SBNO1: variants seen among roughly 807,000 people sequenced by gnomAD.
The protein encoded by SBNO1 is strawberry notch homolog 1, also known as protein strawberry notch homolog 1.
SBNO1 carries 23 observed loss-of-function variants against 173.6 expected under a neutral mutation model. That is an observed-to-expected ratio of 0.13 (90% CI 0.10 to 0.19). The LOEUF (loss-of-function observed/expected upper bound fraction) is 0.19. SBNO1 is among the 10% of genes least tolerant of loss of function. SBNO1 has a pLI of 1.00. For synonymous variants in SBNO1, 632 were observed against 571.5 expected (o/e 1.11, Z -1.51); for missense variants, 1,238 against 1,671.2 (o/e 0.74, Z 4.52).
At chr12:123,317,999 T>C (rs1869491513) in intron 20 of SBNO1, among the ~76,000 whole-genome samples, 1 of 152,210 alleles carries the variant, frequency 6.6e-6, no homozygotes, top group South Asian at 2.1e-4. Flanking sequence ...TCTCACTCTG[T>C]CACACAAGCT....
intron 1 of SBNO1, among the ~76,000 whole-genome samples, chr12:123,354,710 T>G (rs1874237801): frequency 6.6e-6 from 1 of 152,274 alleles, no homozygotes; most frequent in Non-Finnish European, 1.5e-5. Flanking sequence ...CACTTTTAAG[T>G]CACAAAGCAC....
intron 1 of SBNO1, among the ~76,000 whole-genome samples, chr12:123,361,033 C>G (rs1345816635): frequency 1.3e-5 from 2 of 152,016 alleles, no homozygotes; most frequent in Non-Finnish European, 2.9e-5. Context: ...ATCACGAGAT[C>G]AAGAGATTGA....
In SBNO1 at chr12:123,327,477, T is replaced by C. The variant is rs767924954; in HGVS notation, c.1641A>G (p.Glu547=). 1.2e-6 allele frequency: 2 copies of C among 1,614,022 alleles called. No individual in the cohort carries two copies. Among genetic ancestry groups the C allele is most frequent in the Admixed American group, 3.3e-5 (2 of 59,996 alleles). Residue 547 remains glutamate, a synonymous_variant, in exon 13 of 32, where the codon GAA becomes GAG. Coordinates refer to ENST00000602398, the MANE Select transcript of SBNO1 (RefSeq NM_001167856.3). Reference sequence around the variant, plus strand: ...TAACGTAGCTCTGAGAAAGAAGAACTTCCTCAATTTTGAAGGTCACTCCAG... The same window carrying C: ...TAACGTAGCTCTGAGAAAGAAGAACCTCCTCAATTTTGAAGGTCACTCCAG... ...SFTGVTFKIE[E]VLLSQSYVKM...
Position 123,295,619 on chromosome 12 carries a change from CA to C in SBNO1, c.*288del. On this transcript the variant is annotated 3_prime_UTR_variant, in exon 32 of 32. Coordinates refer to ENST00000602398, the MANE Select transcript of SBNO1 (RefSeq NM_001167856.3). ...TGGTCTGTAGCCTTTAACACACTCA[CA>C]AACAGACTGACACACACGCACACAC... The C allele has an allele frequency of 3.1e-6, 1 of 323,764 alleles. No individual in the cohort carries two copies. Among genetic ancestry groups the C allele is most frequent in the Non-Finnish European group, 5.8e-6 (1 of 171,562 alleles). 20.1% of individuals were successfully genotyped at this position (323,764 alleles called of 1,614,324 possible).
Position 123,328,899 on chromosome 12 carries a change from AAAAAG to A in SBNO1, c.1135-9_1135-5del, listed in dbSNP as rs1290521605. ...AAGAAATTTTTCCGTATTTAAACTAAAAAAGAAAAGAAAAGAATTTAGTTAATTAG... is the reference window on the plus strand; with the variant it reads ...AAGAAATTTTTCCGTATTTAAACTAAAAAAGAAAAGAATTTAGTTAATTAG... On this transcript the variant is annotated splice_region_variant and splice_polypyrimidine_tract_variant and intron_variant, in intron 9 of 31. Coordinates refer to ENST00000602398, the MANE Select transcript of SBNO1 (RefSeq NM_001167856.3). 8.0e-6 allele frequency: 12 copies of A among 1,495,506 alleles called. No individual in the cohort carries two copies. Among genetic ancestry groups the A allele is most frequent in the South Asian group, 6.2e-5 (5 of 80,576 alleles). 92.6% of individuals were successfully genotyped at this position (1,495,506 alleles called of 1,614,324 possible).
chr12:123,333,549 T>C (rs1331472360), intron 7 of SBNO1, among the ~76,000 whole-genome samples: 1 of 151,694 alleles, frequency 6.6e-6, no homozygotes, highest in Non-Finnish European at 1.5e-5. Flanking sequence ...TCACCCAGGG[T>C]GGAGTGACAA....
chr12:123,328,890 T>C lies in SBNO1; in HGVS notation c.1140A>G (p.Lys380=), dbSNP rs751636639. 4 of 1,529,208 alleles carry C rather than the reference T, an allele frequency of 2.6e-6. No individual in the cohort carries two copies. In the African/African-American group the frequency reaches 4.2e-5, roughly 16 times the overall value. 94.7% of individuals were successfully genotyped at this position (1,529,208 alleles called of 1,614,324 possible). A position where few individuals can be genotyped will look rare whatever the true frequency, so the allele number is the denominator to read the frequency against. The change falls in exon 10 of 32, where the codon AAA becomes AAG. Residue 380 remains lysine, a synonymous_variant. Transcript: ENST00000602398. ...TATGTTTGGAAGAAATTTTTCCGTA[T>C]TTAAACTAAAAAAGAAAAGAAAAGA... is the stretch of plus-strand genomic sequence containing the variant. ...NILVHSLNKF[K]YGKISSKHNG...
chr12:123,364,623 G>C (rs1875915129), intron 1 of SBNO1, 78 bp downstream of exon 1: 1 of 845,794 alleles, frequency 1.2e-6, no homozygotes, highest in Non-Finnish European at 1.3e-6. Context: ...GGCCCCGCAC[G>C]GCCCCCCGAG....
chr12:123,328,876 G>T lies in SBNO1; in HGVS notation c.1154C>A (p.Ser385Tyr). The T allele has an allele frequency of 6.4e-7, 1 of 1,561,456 alleles. No individual in the cohort carries two copies. The highest frequency in any genetic ancestry group is 8.7e-7 in the Non-Finnish European group (1 of 1,148,862). Residue 385 changes from serine to tyrosine, a missense_variant, in exon 10 of 32, where the codon TCT becomes TAT. Ser to Tyr is a moderately radical substitution (Grantham distance 144). This residue lies in a region of SBNO1 where 56 missense variants were observed against 65.1 expected (regional missense o/e 0.86). Coordinates refer to ENST00000602398, the MANE Select transcript of SBNO1 (RefSeq NM_001167856.3). ...SLNKFKYGKISSKHNGSVKKG... is the reference protein window; with the variant it reads ...SLNKFKYGKIYSKHNGSVKKG... ...TTTCACACTCCCATTATGTTTGGAA[G>T]AAATTTTTCCGTATTTAAACTAAAA...
intron 1 of SBNO1, among the ~76,000 whole-genome samples, chr12:123,354,667 A>G (rs1361716928): frequency 6.6e-6 from 1 of 152,192 alleles, no homozygotes; most frequent in African/African-American, 2.4e-5. Context: ...TCATTTTACA[A>G]ATAAGACCTG....
intron 1 of SBNO1, among the ~76,000 whole-genome samples, chr12:123,361,179 G>A (rs1242970650): frequency 6.6e-6 from 1 of 152,166 alleles, no homozygotes; most frequent in Non-Finnish European, 1.5e-5. Flanking sequence ...GGGAGGTGGA[G>A]GTTGCAGTGA....
intron 15 of SBNO1, among the ~76,000 whole-genome samples, chr12:123,324,856 T>G (rs577305544): frequency 6.6e-6 from 1 of 151,802 alleles, no homozygotes; most frequent in South Asian, 2.1e-4. Context: ...CAGAGGGGAG[T>G]GGAGTGGAGT....
intron 9 of SBNO1, among the ~76,000 whole-genome samples, chr12:123,330,108 G>A (rs1164138436): frequency 1.3e-5 from 2 of 152,112 alleles, no homozygotes; most frequent in African/African-American, 4.8e-5. Flanking sequence ...AACTATAAAA[G>A]AAAGATAAAA....
chr12:123,359,905 A>T (rs1450801448), intron 1 of SBNO1, among the ~76,000 whole-genome samples: 1 of 152,162 alleles, frequency 6.6e-6, no homozygotes, highest in Non-Finnish European at 1.5e-5. Flanking sequence ...ATCATTTTAG[A>T]TAGTTATTAA....
chr12:123,350,236 A>C (rs1873720373), intron 2 of SBNO1, 74 bp downstream of exon 2: 1 of 1,556,828 alleles, frequency 6.4e-7, no homozygotes, highest in Admixed American at 1.8e-5. Flanking sequence ...CCTGGGCCAC[A>C]GAGTGAGACT....
intron 5 of SBNO1, among the ~76,000 whole-genome samples, chr12:123,339,668 T>A (rs1025112575): frequency 1.3e-5 from 2 of 152,024 alleles, no homozygotes; most frequent in African/African-American, 4.8e-5. Context: ...GCACCTGTAA[T>A]CCCACCTACT....
At chr12:123,308,464 A>G (rs1406416461) in intron 28 of SBNO1, among the ~76,000 whole-genome samples, 3 of 151,812 alleles carry the variant, frequency 2.0e-5, no homozygotes, top group Non-Finnish European at 4.4e-5. Context: ...AGGTCAGGAG[A>G]TCGAGACCAT....
Position 123,348,085 on chromosome 12 carries a change from C to G in SBNO1, c.181G>C (p.Val61Leu), listed in dbSNP as rs1873425604. The stretch of plus-strand genomic sequence containing the variant: ...GTCTCTGGTTCTTGTTTAACAGGAA[C>G]TGCTGCTTCGGTCTCCAAACCTAGT... ...LELGLETEAA[V>L]PVKQEPETVP... Residue 61 changes from valine (V) to leucine (L), a missense_variant, in exon 3 of 32, where the codon GTT (valine) becomes CTT (leucine). Val to Leu is a conservative substitution (Grantham distance 32, BLOSUM62 1). Coordinates refer to ENST00000602398, the MANE Select transcript of SBNO1 (RefSeq NM_001167856.3). 1 of 1,612,170 alleles carries G rather than the reference C, an allele frequency of 6.2e-7. No individual in the cohort carries two copies. The highest frequency in any genetic ancestry group is 8.5e-7 in the Non-Finnish European group (1 of 1,178,494).
Position 123,294,634 on chromosome 12 carries a change from C to CAAAAAAAA in SBNO1, c.*1266_*1273dup, listed in dbSNP as rs143013489. 1,185 of 60,140 alleles carry CAAAAAAAA rather than the reference C, an allele frequency of 0.02. 17 individuals are homozygous for CAAAAAAAA. The highest frequency in any genetic ancestry group is 0.022 in the Non-Finnish European group (797 of 36,952). 3.7% of individuals were successfully genotyped at this position (60,140 alleles called of 1,614,324 possible). On this transcript the variant is annotated 3_prime_UTR_variant, in exon 32 of 32. Transcript: ENST00000602398. Reference sequence around the variant, plus strand: ...TTTTCAATAGTGCAACCTGTGGAAGCAAAAAAAAAAAAAAAAAAAAAAAAA... The same window carrying CAAAAAAAA: ...TTTTCAATAGTGCAACCTGTGGAAGCAAAAAAAAAAAAAAAAAAAAAAAAAAAAAAAAA...
Sources: gnomAD v4.1 joint callset for allele counts (sites outside exome capture counted in the v4.1 genomes callset) on GRCh38, gnomAD v4.1.1 for gene constraint, gnomAD v4.1.1 regional missense constraint, MANE v1.5 for transcripts, NCBI Gene and HGNC (gene_info 2026-07-23, HGNC 2026-07-21) for gene names.